WWOX: variants seen among roughly 807,000 people sequenced by gnomAD.
WWOX encodes WW domain-containing oxidoreductase.
WWOX carries 69 observed loss-of-function variants against 46.2 expected under a neutral mutation model. The observed-to-expected ratio is 1.49, with a 90% CI of 1.23 to 1.82. WWOX has a LOEUF of 1.82. WWOX is among the 40% of genes most tolerant of loss of function. The probability of loss-of-function intolerance (pLI) is 0.00; values close to 1 mark genes in which losing one functional copy is unlikely to be tolerated. For synonymous variants in WWOX, 359 were observed against 202.6 expected, an observed-to-expected ratio of 1.77 and a Z score of -6.56; for missense variants, 919 against 542.6, an observed-to-expected ratio of 1.69 and a Z score of -6.89.
intron 8 of WWOX, among the ~76,000 whole-genome samples, chr16:78,556,869 C>A (rs34483455): frequency 0.11 from 16,876 of 151,922 alleles, 1,014 homozygotes; most frequent in East Asian, 0.19. Context: ...CAGGTGCCCA[C>A]CACCAAGCCC....
At chr16:78,690,216 G>A (rs2047953963) in intron 8 of WWOX, among the ~76,000 whole-genome samples, 1 of 152,120 alleles carries the variant, frequency 6.6e-6, no homozygotes, top group Admixed American at 6.5e-5. Flanking sequence ...AGGACCATGT[G>A]TTGTGTAGGG....
chr16:79,191,942 C>T (rs1597461705), intron 8 of WWOX, among the ~76,000 whole-genome samples: 2 of 152,208 alleles, frequency 1.3e-5, no homozygotes, highest in South Asian at 2.1e-4. Context: ...CTTCTGGGCT[C>T]ACCACACATC....
chr16:78,652,380 G>A (rs527619494), intron 8 of WWOX, among the ~76,000 whole-genome samples: 6 of 139,364 alleles, frequency 4.3e-5, no homozygotes, highest in Non-Finnish European at 9.0e-5. Context: ...GTGTACTCCA[G>A]CCTGGGTGAC....
At chr16:79,095,867 T>C (rs2049058276) in intron 8 of WWOX, among the ~76,000 whole-genome samples, 1 of 149,426 alleles carries the variant, frequency 6.7e-6, no homozygotes, top group African/African-American at 2.5e-5. Context: ...TCTCTTTTTT[T>C]TTTTTTTTTT....
At chr16:78,528,410 C>T (rs1217496588) in intron 8 of WWOX, among the ~76,000 whole-genome samples, 1 of 151,796 alleles carries the variant, frequency 6.6e-6, no homozygotes, top group African/African-American at 2.4e-5. Context: ...CTCACCAAAG[C>T]CCATCCAGAA....
intron 8 of WWOX, among the ~76,000 whole-genome samples, chr16:79,100,650 T>C (rs1280482771): frequency 6.6e-6 from 1 of 152,182 alleles, no homozygotes; most frequent in Non-Finnish European, 1.5e-5. Context: ...TTTTTCTGCA[T>C]GTTCTGACAG....
intron 8 of WWOX, among the ~76,000 whole-genome samples, chr16:79,042,369 G>C (rs546427284): frequency 6.6e-6 from 1 of 152,288 alleles, no homozygotes; most frequent in East Asian, 1.9e-4. Flanking sequence ...GCAGGGCCTG[G>C]AGCTGGGTTT....
At chr16:79,060,888 G>T (rs2048346350) in intron 8 of WWOX, among the ~76,000 whole-genome samples, 1 of 152,124 alleles carries the variant, frequency 6.6e-6, no homozygotes, top group Non-Finnish European at 1.5e-5. Context: ...GTATGCCATG[G>T]GCCATTCTAA....
At chr16:78,974,095 A>G (rs990192372) in intron 8 of WWOX, among the ~76,000 whole-genome samples, 3 of 152,256 alleles carry the variant, frequency 2.0e-5, no homozygotes, top group African/African-American at 4.8e-5. Flanking sequence ...CAAAAAGTGT[A>G]AAGGACTCTC....
chr16:78,453,859 T>C (rs2083750204), intron 8 of WWOX, among the ~76,000 whole-genome samples: 1 of 152,200 alleles, frequency 6.6e-6, no homozygotes, highest in South Asian at 2.1e-4. Context: ...AGTGAAGATT[T>C]CATGTATCTG....
Position 78,432,377 on chromosome 16 carries a change from A to G in WWOX, c.792-111A>G, listed in dbSNP as rs900807817. On this transcript the variant is annotated intron_variant, in intron 7 of 8. Coordinates refer to ENST00000566780, the MANE Select transcript of WWOX (RefSeq NM_016373.4). ...CGTCTAAGACTCCCAAAGTGCTCGG[A>G]TTACAGATGTGAGCCACTGCACCCA... 18 of 1,441,992 alleles carry G rather than the reference A, an allele frequency of 1.2e-5. No homozygotes were observed. In the African/African-American group the frequency reaches 2.2e-4, roughly 18 times the overall value. 89.3% of individuals were successfully genotyped at this position (1,441,992 alleles called of 1,614,324 possible).
chr16:78,240,663 G>A (rs893653920), intron 5 of WWOX, among the ~76,000 whole-genome samples: 3 of 152,202 alleles, frequency 2.0e-5, no homozygotes, highest in East Asian at 1.9e-4. Context: ...GGAAGTCTCA[G>A]CAGCCTCCTG....
chr16:78,326,700 A>C (rs2080631277), intron 5 of WWOX, among the ~76,000 whole-genome samples: 1 of 151,988 alleles, frequency 6.6e-6, no homozygotes, highest in Non-Finnish European at 1.5e-5. Flanking sequence ...TATCATTAAA[A>C]GCAACAGATT....
intron 8 of WWOX, among the ~76,000 whole-genome samples, chr16:78,684,654 C>T (rs933172845): frequency 6.6e-6 from 1 of 152,162 alleles, no homozygotes; most frequent in Non-Finnish European, 1.5e-5. Flanking sequence ...AAGGACTCTG[C>T]CCTCATGGAT....
chr16:78,520,140 C>G (rs530693602), intron 8 of WWOX, among the ~76,000 whole-genome samples: 1 of 152,198 alleles, frequency 6.6e-6, no homozygotes, highest in Admixed American at 6.5e-5. Context: ...CATCCTTGTT[C>G]GCATGTCCAG....
chr16:78,212,863 G>A (rs1597358658), intron 5 of WWOX, among the ~76,000 whole-genome samples: 1 of 152,252 alleles, frequency 6.6e-6, no homozygotes, highest in Non-Finnish European at 1.5e-5. Context: ...GTGTGCTGCT[G>A]TAACAAACAC....
chr16:78,980,876 C>T lies in WWOX; in HGVS notation c.1057-230732C>T, dbSNP rs2046666904. Among the ~76,000 whole-genome samples, 3 of 152,240 alleles carry T rather than the reference C, an allele frequency of 2.0e-5. No homozygotes were observed. The South Asian group carries it at 6.2e-4, about 32-fold the overall frequency. Reference sequence around the variant, plus strand: ...GGTTCTGTAATCCTGTAGGACTGGACTCAGTGGGTAAATGTAGAGGTGATG... The same window carrying T: ...GGTTCTGTAATCCTGTAGGACTGGATTCAGTGGGTAAATGTAGAGGTGATG... On this transcript the variant is annotated intron_variant, in intron 8 of 8. Coordinates refer to ENST00000566780, the MANE Select transcript of WWOX (RefSeq NM_016373.4).
At chr16:78,965,519 G>C (rs1313194650) in intron 8 of WWOX, among the ~76,000 whole-genome samples, 1 of 151,332 alleles carries the variant, frequency 6.6e-6, no homozygotes, top group Non-Finnish European at 1.5e-5. Flanking sequence ...GCAGTGAGCC[G>C]AGATGGCACC....
rs577893673 is a variant in WWOX, at chr16:78,947,719, C to G, written c.1057-263889C>G. On this transcript the variant is annotated intron_variant, in intron 8 of 8. Transcript: ENST00000566780. ...CCTCACTTAGCCCCTTCAGAAAAGC[C>G]AAAAAGAATGTGCCACCTAGATGCT... Among the ~76,000 whole-genome samples the G allele has an allele frequency of 8.5e-5, 13 of 152,224 alleles. No individual in the cohort carries two copies. In the South Asian group the frequency reaches 2.5e-3, roughly 29 times the overall value.
Sources: gnomAD v4.1 joint callset for allele counts (sites outside exome capture counted in the v4.1 genomes callset) on GRCh38, gnomAD v4.1.1 for gene constraint, MANE v1.5 for transcripts, NCBI Gene and HGNC (gene_info 2026-07-23, HGNC 2026-07-21) for gene names.